The following PCLO variants were observed in gnomAD, a reference collection of about 807,000 sequenced individuals.
PCLO encodes the protein piccolo presynaptic cytomatrix protein.
In PCLO, 82 loss-of-function variants were observed where a neutral mutation model predicts 427.5. That is an observed-to-expected ratio of 0.19 (90% CI 0.16 to 0.23). The LOEUF is 0.23. PCLO is among the 10% of genes least tolerant of loss of function. The pLI is 1.00. For synonymous variants in PCLO, 2,357 were observed against 2,155.4 expected, an observed-to-expected ratio of 1.09 and a Z score of -2.59; for missense variants, 6,239 against 6,115.9, an observed-to-expected ratio of 1.02 and a Z score of -0.67.
intron 9 of PCLO, among the ~76,000 whole-genome samples, chr7:82,896,210 T>C (rs1282536817): frequency 6.6e-6 from 1 of 151,868 alleles, no homozygotes; most frequent in Non-Finnish European, 1.5e-5. Flanking sequence ...ATTATACATG[T>C]ATACTAAAAC....
intron 3 of PCLO, among the ~76,000 whole-genome samples, chr7:83,067,412 T>C (rs1393008159): frequency 6.6e-6 from 1 of 152,232 alleles, no homozygotes; most frequent in East Asian, 1.9e-4. Context: ...AGTTGATTGC[T>C]TGAGAGACTC....
intron 3 of PCLO, among the ~76,000 whole-genome samples, chr7:83,132,512 G>A (rs1202724641): frequency 6.6e-6 from 1 of 151,938 alleles, no homozygotes; most frequent in African/African-American, 2.4e-5. Context: ...GAAAATCAAA[G>A]ACTTCCCTGA....
chr7:82,924,116 T>C (rs952218162), intron 6 of PCLO, among the ~76,000 whole-genome samples: 1 of 152,100 alleles, frequency 6.6e-6, no homozygotes, highest in African/African-American at 2.4e-5. Flanking sequence ...TCCTACTATT[T>C]GTTTATCATA....
In PCLO at chr7:82,920,891, G is replaced by A. The variant is rs372456774; in HGVS notation, c.11113-4018C>T. Among the ~76,000 whole-genome samples the A allele has an allele frequency of 1.4e-4, 22 of 151,742 alleles. No homozygotes were observed. In the East Asian group the frequency reaches 4.3e-3, roughly 29 times the overall value. On this transcript the variant is annotated intron_variant, in intron 6 of 24. Transcript: ENST00000333891. ...AATATTGAAAAACTAAAAATACACA[G>A]GGGCTATTGTTTAAAGTCCTAGATG... is the stretch of plus-strand genomic sequence containing the variant.
At chr7:83,029,088 A>G (rs183883394) in intron 3 of PCLO, among the ~76,000 whole-genome samples, 1 of 152,202 alleles carries the variant, frequency 6.6e-6, no homozygotes, top group Admixed American at 6.5e-5. Context: ...CAACAGCAAC[A>G]GAAGAAAAAA....
At chr7:82,833,133 T>C (rs1792137480) in intron 16 of PCLO, among the ~76,000 whole-genome samples, 1 of 152,138 alleles carries the variant, frequency 6.6e-6, no homozygotes, top group South Asian at 2.1e-4. Flanking sequence ...AAAATAAATT[T>C]TGGACACCAT....
At position 83,134,783 on chromosome 7, in the gene PCLO, G is replaced by A. The variant is rs767771680; in HGVS notation, c.2767C>T (p.Pro923Ser). 5.0e-6 allele frequency: 8 copies of A among 1,613,954 alleles called. No individual in the cohort carries two copies. The highest frequency in any genetic ancestry group is 6.8e-6 in the Non-Finnish European group (8 of 1,179,892). Residue 923 changes from proline to serine, a missense_variant, in exon 3 of 25, where the codon CCT (proline) becomes TCT (serine). This residue lies in a region of PCLO where 4,677 missense variants were observed against 4,468.4 expected (regional missense o/e 1.05). Coordinates refer to ENST00000333891, the MANE Select transcript of PCLO (RefSeq NM_033026.6). ...TDAPKSQPTTPQETVTGKLFG... is the reference protein window; with the variant it reads ...TDAPKSQPTTSQETVTGKLFG... ...AGTTTCCCAGTCACGGTCTCTTGAG[G>A]AGTTGTAGGCTGTGATTTGGGGGCA...
intron 3 of PCLO, among the ~76,000 whole-genome samples, chr7:83,121,372 C>A (rs1317403328): frequency 1.3e-5 from 2 of 151,588 alleles, no homozygotes; most frequent in East Asian, 1.9e-4. Flanking sequence ...AAATCAAAAA[C>A]CAATAACAGA....
chr7:82,866,997 G>C (rs1217473313), intron 10 of PCLO, among the ~76,000 whole-genome samples: 1 of 152,100 alleles, frequency 6.6e-6, no homozygotes, highest in East Asian at 1.9e-4. Context: ...AATGCAAGCA[G>C]AGTCAACCAA....
intron 3 of PCLO, among the ~76,000 whole-genome samples, chr7:83,038,256 C>A (rs1788881963): frequency 6.7e-6 from 1 of 148,694 alleles, no homozygotes; most frequent in Admixed American, 6.8e-5. Flanking sequence ...TTAAAATGTA[C>A]AATTTAATGG....
At chr7:83,006,464 T>C (rs922544113) in intron 3 of PCLO, among the ~76,000 whole-genome samples, 4 of 151,650 alleles carry the variant, frequency 2.6e-5, no homozygotes, top group Admixed American at 6.6e-5. Flanking sequence ...CAAAGTAGTA[T>C]AGGAACAACA....
intron 6 of PCLO, among the ~76,000 whole-genome samples, chr7:82,929,789 A>C (rs1794798644): frequency 6.6e-6 from 1 of 152,146 alleles, no homozygotes; most frequent in Non-Finnish European, 1.5e-5. Flanking sequence ...TGTGTAGTCT[A>C]ATATTAAACT....
At chr7:82,826,687 T>G in intron 17 of PCLO, 27 bp from the exon 18 acceptor site, 1 of 1,409,438 alleles carries the variant, frequency 7.1e-7, no homozygotes, top group Non-Finnish European at 9.9e-7. Flanking sequence ...GAAATCTAAT[T>G]AAACCTATCT....
At chr7:83,124,209 C>G (rs1013754778) in intron 3 of PCLO, among the ~76,000 whole-genome samples, 3 of 151,068 alleles carry the variant, frequency 2.0e-5, no homozygotes, top group Admixed American at 2.0e-4. Flanking sequence ...CCCAGCTACT[C>G]GGAAGGCTGA....
At chr7:83,038,612 G>A (rs1445368769) in intron 3 of PCLO, among the ~76,000 whole-genome samples, 1 of 151,876 alleles carries the variant, frequency 6.6e-6, no homozygotes, top group Non-Finnish European at 1.5e-5. Flanking sequence ...ATCACACTTT[G>A]TTCATCCATT....
intron 9 of PCLO, among the ~76,000 whole-genome samples, chr7:82,883,454 G>C (rs1201141942): frequency 6.6e-6 from 1 of 151,980 alleles, no homozygotes; most frequent in African/African-American, 2.4e-5. Context: ...CCTATCAAAT[G>C]AAACAGTTTG....
At chr7:83,053,418 T>C (rs2116275233) in intron 3 of PCLO, among the ~76,000 whole-genome samples, 1 of 152,016 alleles carries the variant, frequency 6.6e-6, no homozygotes, top group East Asian at 1.9e-4. Context: ...TCCCAATAAC[T>C]AGCTAAGTCA....
At chr7:83,085,236 A>T (rs1255917551) in intron 3 of PCLO, among the ~76,000 whole-genome samples, 1 of 152,180 alleles carries the variant, frequency 6.6e-6, no homozygotes, top group East Asian at 1.9e-4. Context: ...TTGTGGAAAG[A>T]AACATGTTGT....
At chr7:82,919,430 A>G (rs958573041) in intron 6 of PCLO, among the ~76,000 whole-genome samples, 9 of 152,000 alleles carry the variant, frequency 5.9e-5, no homozygotes, top group Non-Finnish European at 1.3e-4. Flanking sequence ...TGCCATGAAG[A>G]AATAGAGACC....
Sources: gnomAD v4.1 joint callset for allele counts (sites outside exome capture counted in the v4.1 genomes callset) on GRCh38, gnomAD v4.1.1 for gene constraint, gnomAD v4.1.1 regional missense constraint, MANE v1.5 for transcripts, NCBI Gene and HGNC (gene_info 2026-07-23, HGNC 2026-07-21) for gene names.